TCF7L2: variants seen among roughly 807,000 people sequenced by gnomAD.
TCF7L2 encodes the protein transcription factor 7-like 2.
TCF7L2 carries 23 observed loss-of-function variants against 77.9 expected under a neutral mutation model. That is an observed-to-expected ratio of 0.30 (90% CI 0.21 to 0.42). The LOEUF (loss-of-function observed/expected upper bound fraction) is 0.42. TCF7L2 is among the 10% of genes least tolerant of loss of function. The probability of loss-of-function intolerance (pLI) is 1.00; values close to 1 mark genes in which losing one functional copy is unlikely to be tolerated. For synonymous variants in TCF7L2, 413 were observed against 340.2 expected (o/e 1.21, Z -2.36); for missense variants, 654 against 793.1 (o/e 0.82, Z 2.11).
chr10:113,012,428 G>A (rs899596741), intron 4 of TCF7L2, among the ~76,000 whole-genome samples: 62 of 152,288 alleles, frequency 4.1e-4, no homozygotes, highest in Non-Finnish European at 6.8e-4. Flanking sequence ...TCTGTGGTGG[G>A]TTCTAGGGGT....
intron 5 of TCF7L2, among the ~76,000 whole-genome samples, chr10:113,082,766 C>T (rs1021515994): frequency 1.3e-5 from 2 of 152,082 alleles, no homozygotes; most frequent in African/African-American, 4.8e-5. Flanking sequence ...ACAAACCCGC[C>T]CCTCTGTGTT....
At position 113,167,525 on chromosome 10, in the gene TCF7L2, A is replaced by G. The variant is rs1222633759; in HGVS notation, c.*1553A>G. On this transcript the variant is annotated 3_prime_UTR_variant, in exon 14 of 14. Coordinates refer to ENST00000627217, the MANE Select transcript of TCF7L2 (RefSeq NM_001146274.2). ...GTGAATACTTTGAATGTTTCCTAAC[A>G]GTTGTGATGTTACTGTTCCGTTTTA... 4.6e-6 allele frequency: 1 copy of G among 216,702 alleles called. No individual in the cohort carries two copies. Among genetic ancestry groups the G allele is most frequent in the African/African-American group, 2.2e-5 (1 of 44,530 alleles). The allele number at this position is 216,702 out of a possible 1,614,324, so 13.4% of individuals were successfully genotyped here. A position where few individuals can be genotyped will look rare whatever the true frequency, so the allele number is the denominator to read the frequency against.
chr10:113,144,120 G>C (rs991355432), intron 7 of TCF7L2, 95 bp downstream of exon 7: 74 of 958,196 alleles, frequency 7.7e-5, no homozygotes, highest in Non-Finnish European at 9.6e-5. Context: ...GTGTGTGTGT[G>C]TGTGTGTGTG....
At chr10:112,980,707 A>G (rs1259593766) in intron 4 of TCF7L2, among the ~76,000 whole-genome samples, 1 of 151,480 alleles carries the variant, frequency 6.6e-6, no homozygotes, top group East Asian at 1.9e-4. Context: ...GGCTCACTGC[A>G]AGCTCCGCCT....
At chr10:113,001,684 C>T (rs2044511155) in intron 4 of TCF7L2, among the ~76,000 whole-genome samples, 1 of 152,156 alleles carries the variant, frequency 6.6e-6, no homozygotes, top group African/African-American at 2.4e-5. Context: ...TGCCCCCTAA[C>T]ACATACACAG....
chr10:113,039,588 G>A (rs2052053535), intron 4 of TCF7L2, among the ~76,000 whole-genome samples: 2 of 152,156 alleles, frequency 1.3e-5, no homozygotes, highest in South Asian at 4.1e-4. Context: ...GAAAAACGGA[G>A]GTTGAAAAGG....
At chr10:113,008,436 G>A (rs1162232737) in intron 4 of TCF7L2, among the ~76,000 whole-genome samples, 4 of 152,188 alleles carry the variant, frequency 2.6e-5, no homozygotes, top group African/African-American at 7.2e-5. Flanking sequence ...TTGAGACCCT[G>A]ATGATATCAG....
chr10:113,154,521 T>C (rs1306226397), intron 11 of TCF7L2, among the ~76,000 whole-genome samples: 4 of 152,132 alleles, frequency 2.6e-5, no homozygotes, highest in Admixed American at 6.5e-5. Context: ...TCATTTACAC[T>C]GGGGTCTATG....
chr10:113,089,293 G>A, intron 5 of TCF7L2: 2 of 1,277,518 alleles, frequency 1.6e-6, no homozygotes, highest in South Asian at 3.1e-5. Flanking sequence ...AGCTTCTATA[G>A]AAATGTGGGT....
chr10:113,027,571 T>G (rs1268081393), intron 4 of TCF7L2, among the ~76,000 whole-genome samples: 1 of 152,194 alleles, frequency 6.6e-6, no homozygotes, highest in East Asian at 1.9e-4. Flanking sequence ...TCCAAAGTGC[T>G]TGGAATATCC....
rs80039102 is a variant in TCF7L2, at chr10:113,086,523, G to A, written c.552+46397G>A. Among the ~76,000 whole-genome samples, 37 of 152,346 alleles carry A rather than the reference G, an allele frequency of 2.4e-4. No homozygotes were observed. The East Asian group carries it at 6.2e-3, about 25-fold the overall frequency. ...TGCATCTATGGGAAGGGCTTGCAGT[G>A]TCTGAGTGAGCTTGGACTGTGTAAA... On this transcript the variant is annotated intron_variant, in intron 5 of 13. Transcript: ENST00000627217.
intron 11 of TCF7L2, among the ~76,000 whole-genome samples, chr10:113,154,228 C>A (rs2071371420): frequency 6.6e-6 from 1 of 152,164 alleles, no homozygotes; most frequent in African/African-American, 2.4e-5. Context: ...CCCCACCTGA[C>A]CCTGAGGTGG....
intron 4 of TCF7L2, among the ~76,000 whole-genome samples, chr10:112,972,100 A>G (rs891784345): frequency 6.6e-6 from 1 of 152,010 alleles, no homozygotes. Context: ...AAGTTTGAGA[A>G]TTGCTGCCTT....
intron 4 of TCF7L2, among the ~76,000 whole-genome samples, chr10:113,001,642 G>A (rs1258700812): frequency 6.6e-6 from 1 of 152,178 alleles, no homozygotes; most frequent in Admixed American, 6.5e-5. Context: ...GAGGTACTGG[G>A]ATAAGAGATG....
chr10:113,039,999 A>G (rs1036875487), intron 4 of TCF7L2, 26 bp from the exon 5 acceptor site: 3 of 1,602,194 alleles, frequency 1.9e-6, no homozygotes, highest in Non-Finnish European at 2.6e-6. Flanking sequence ...ATTGTTTTTC[A>G]TTTCACTTTT....
chr10:113,144,801 T>C (rs1399459621), intron 7 of TCF7L2, among the ~76,000 whole-genome samples: 1 of 152,202 alleles, frequency 6.6e-6, no homozygotes, highest in African/African-American at 2.4e-5. Flanking sequence ...AAAACTGTGT[T>C]TTAAATTCAG....
intron 5 of TCF7L2, among the ~76,000 whole-genome samples, chr10:113,082,834 C>G (rs1456056596): frequency 6.6e-6 from 1 of 151,950 alleles, no homozygotes; most frequent in Non-Finnish European, 1.5e-5. Flanking sequence ...TAGAAGTCAT[C>G]CAGCAGCCAG....
chr10:113,044,448 A>T (rs549710713), intron 5 of TCF7L2, among the ~76,000 whole-genome samples: 2 of 152,088 alleles, frequency 1.3e-5, no homozygotes, highest in Admixed American at 1.3e-4. Flanking sequence ...TTTCGATGGG[A>T]TGTTTGACCT....
intron 5 of TCF7L2, among the ~76,000 whole-genome samples, chr10:113,047,892 CTT>C (rs2074168637): frequency 6.6e-6 from 1 of 152,130 alleles, no homozygotes; most frequent in Admixed American, 6.5e-5. Context: ...GGGGAAGAGT[CTT>C]TGGCAGCTCA....
Sources: allele counts gnomAD v4.1 joint callset (sites outside exome capture counted in the v4.1 genomes callset), GRCh38; gene constraint gnomAD v4.1.1; transcripts MANE v1.5; gene names NCBI Gene and HGNC (gene_info 2026-07-23, HGNC 2026-07-21).